The following DOK5 variants were observed in gnomAD, a reference collection of about 807,000 sequenced individuals.
DOK5 encodes downstream of tyrosine kinase 5.
Under a neutral mutation model 43.3 loss-of-function variants are expected in DOK5, and 27 were observed. The ratio of observed to expected loss-of-function variants is 0.62; its 90% CI spans 0.46 to 0.86. DOK5 has a LOEUF of 0.86. Among genes scored for constraint, DOK5 ranks in the 40% least tolerant of loss-of-function variants. DOK5 has a pLI of 0.00. For synonymous variants in DOK5, 146 were observed against 140.1 expected, an observed-to-expected ratio of 1.04 and a Z score of -0.30; for missense variants, 373 against 392.9, an observed-to-expected ratio of 0.95 and a Z score of 0.43.
intron 1 of DOK5, among the ~76,000 whole-genome samples, chr20:54,547,155 G>A (rs796985179): frequency 3.9e-5 from 6 of 152,298 alleles, no homozygotes; most frequent in African/African-American, 1.4e-4. Context: ...AGTTTTATTG[G>A]AAGGTATCCA....
chr20:54,524,519 A>G (rs921326928), intron 1 of DOK5, among the ~76,000 whole-genome samples: 20 of 152,210 alleles, frequency 1.3e-4, no homozygotes, highest in Non-Finnish European at 2.9e-5. Flanking sequence ...AGCCTATTGT[A>G]TGCCTCAGGA....
intron 1 of DOK5, among the ~76,000 whole-genome samples, chr20:54,508,006 A>G (rs952981296): frequency 2.0e-5 from 3 of 152,204 alleles, no homozygotes; most frequent in South Asian, 2.1e-4. Context: ...AACAGCAAGC[A>G]TGTAAGCACA....
At chr20:54,588,999 A>T (rs530210840) in intron 4 of DOK5, among the ~76,000 whole-genome samples, 193 bp downstream of exon 4, 20 of 152,348 alleles carry the variant, frequency 1.3e-4, no homozygotes, top group Non-Finnish European at 2.2e-4. Context: ...CCAATTCATA[A>T]CATGAATGTA....
At chr20:54,584,715 G>A (rs957082692) in intron 2 of DOK5, among the ~76,000 whole-genome samples, 8 of 145,680 alleles carry the variant, frequency 5.5e-5, no homozygotes, top group East Asian at 4.0e-4. Flanking sequence ...ATATGTACTC[G>A]TGTGTGTGTG....
rs757709862 is a variant in DOK5 at position 54,643,484 on chromosome 20, C to A, written c.762C>A (p.Ala254=). 1.2e-6 allele frequency: 2 copies of A among 1,613,632 alleles called. No homozygotes were observed. Among genetic ancestry groups the A allele is most frequent in the Middle Eastern group, 1.6e-4 (1 of 6,062 alleles). Residue 254 remains alanine, a synonymous_variant, in exon 7 of 8, where the codon GCC becomes GCA. Coordinates refer to ENST00000262593, the MANE Select transcript of DOK5 (RefSeq NM_018431.5). ...TCCAGATGAAGATGAGTGAGCGGGC[C>A]GCCTCGCTGAGCACCATGGTGCCCC... ...SMLQMKMSER[A]ASLSTMVPLP...
At chr20:54,529,394 G>T (rs911717135) in intron 1 of DOK5, among the ~76,000 whole-genome samples, 3 of 152,076 alleles carry the variant, frequency 2.0e-5, no homozygotes, top group Non-Finnish European at 4.4e-5. Flanking sequence ...AGTTAAAGAA[G>T]ATAATGCTGA....
intron 7 of DOK5, among the ~76,000 whole-genome samples, chr20:54,649,332 G>T (rs1040459246): frequency 2.0e-5 from 3 of 152,160 alleles, no homozygotes; most frequent in Non-Finnish European, 4.4e-5. Context: ...TGAGGTGGGA[G>T]GATCACCTGA....
At chr20:54,557,038 T>C (rs982288587) in intron 2 of DOK5, among the ~76,000 whole-genome samples, 2 of 152,196 alleles carry the variant, frequency 1.3e-5, no homozygotes, top group African/African-American at 4.8e-5. Flanking sequence ...GTTGGCTGTA[T>C]GCTCAAAATG....
intron 4 of DOK5, among the ~76,000 whole-genome samples, chr20:54,589,754 G>A (rs546883577): frequency 5.9e-5 from 9 of 152,216 alleles, no homozygotes; most frequent in African/African-American, 2.2e-4. Context: ...AAAAAATGCT[G>A]TCCCTCCCAA....
chr20:54,499,158 T>C (rs1982503717), intron 1 of DOK5, among the ~76,000 whole-genome samples: 1 of 152,248 alleles, frequency 6.6e-6, no homozygotes, highest in South Asian at 2.1e-4. Context: ...TTAATTTAAC[T>C]CTTGGGATAA....
chr20:54,612,365 G>A (rs1030437291), intron 6 of DOK5, among the ~76,000 whole-genome samples: 1 of 152,168 alleles, frequency 6.6e-6, no homozygotes, highest in African/African-American at 2.4e-5. Flanking sequence ...AGGAGGCCTG[G>A]AATGAATTAA....
chr20:54,628,365 C>T (rs1400315677), intron 6 of DOK5, among the ~76,000 whole-genome samples: 4 of 127,666 alleles, frequency 3.1e-5, no homozygotes, highest in Non-Finnish European at 1.6e-5. Context: ...GCCGAGATCG[C>T]GCCACTGCAC....
At chr20:54,519,089 C>A (rs1462364564) in intron 1 of DOK5, among the ~76,000 whole-genome samples, 2 of 152,170 alleles carry the variant, frequency 1.3e-5, no homozygotes, top group Non-Finnish European at 2.9e-5. Flanking sequence ...AATAGGAGCA[C>A]TTTTACATAA....
chr20:54,533,000 C>T (rs1235043972), intron 1 of DOK5, among the ~76,000 whole-genome samples: 1 of 152,224 alleles, frequency 6.6e-6, no homozygotes. Context: ...TCCAACGTGA[C>T]AAGTACTTTG....
chr20:54,602,579 C>A (rs1650383898), intron 5 of DOK5, among the ~76,000 whole-genome samples: 1 of 152,222 alleles, frequency 6.6e-6, no homozygotes, highest in Admixed American at 6.5e-5. Context: ...ACACACATCT[C>A]TAAAACTTTC....
chr20:54,625,001 A>AT lies in DOK5; in HGVS notation c.735+14487dup, dbSNP rs371119876. On this transcript the variant is annotated intron_variant, in intron 6 of 7. Coordinates refer to ENST00000262593, the MANE Select transcript of DOK5 (RefSeq NM_018431.5). ...AAAGCGGTCTTTCTTTCTTACCCAC[A>AT]TTTTTTTTTCTAACATCGAGGAAGT... 1.9e-3 allele frequency among the ~76,000 whole-genome samples: 286 copies of AT among 148,278 alleles called. 2 individuals are homozygous for AT. The highest frequency in any genetic ancestry group is 6.1e-3 in the African/African-American group (247 of 40,270).
rs114870622 is a variant in DOK5 at position 54,558,438 on chromosome 20, C to T, written c.174+3398C>T. On this transcript the variant is annotated intron_variant, in intron 2 of 7. Coordinates refer to ENST00000262593, the MANE Select transcript of DOK5 (RefSeq NM_018431.5). ...GGAAGAATTATCTACATTTAGCCTC[C>T]AAGCCCTTGATGAATTCCTGTAGCT... is the stretch of plus-strand genomic sequence containing the variant. 3.6e-3 allele frequency among the ~76,000 whole-genome samples: 541 copies of T among 152,266 alleles called. 5 individuals are homozygous for T. The highest frequency in any genetic ancestry group is 0.013 in the African/African-American group (527 of 41,536).
chr20:54,638,871 G>A (rs1031985864), intron 6 of DOK5, among the ~76,000 whole-genome samples: 11 of 151,174 alleles, frequency 7.3e-5, no homozygotes, highest in African/African-American at 2.4e-4. Context: ...TAGTAGAGAC[G>A]GAGTTTCAAC....
At chr20:54,489,235 T>A (rs576733108) in intron 1 of DOK5, among the ~76,000 whole-genome samples, 1 of 152,318 alleles carries the variant, frequency 6.6e-6, no homozygotes, top group East Asian at 1.9e-4. Context: ...TCTTTTGGAG[T>A]AGGTAATATG....
Sources: gnomAD v4.1 joint callset for allele counts (sites outside exome capture counted in the v4.1 genomes callset) on GRCh38, gnomAD v4.1.1 for gene constraint, MANE v1.5 for transcripts, NCBI Gene and HGNC (gene_info 2026-07-23, HGNC 2026-07-21) for gene names.